Variants in PAK5 observed in about 807,000 individuals in gnomAD.
PAK5 encodes the protein serine/threonine-protein kinase PAK 5.
In PAK5, 16 loss-of-function variants were observed where a neutral mutation model predicts 65.9. The observed-to-expected ratio is 0.24, with a 90% confidence interval of 0.16 to 0.37. The LOEUF (loss-of-function observed/expected upper bound fraction) is 0.37. Among genes scored for constraint, PAK5 ranks in the 10% least tolerant of loss-of-function variants. The pLI is 1.00. For synonymous variants in PAK5, 371 were observed against 354.9 expected (o/e 1.05, Z -0.51); for missense variants, 785 against 903.9 (o/e 0.87, Z 1.69).
intron 2 of PAK5, among the ~76,000 whole-genome samples, chr20:9,644,658 T>C (rs966130141): frequency 1.3e-5 from 2 of 152,208 alleles, no homozygotes; most frequent in African/African-American, 4.8e-5. Context: ...AGGCATTGTA[T>C]GTTTCCACTT....
intron 2 of PAK5, among the ~76,000 whole-genome samples, chr20:9,665,318 T>A (rs756252343): frequency 6.6e-5 from 10 of 152,002 alleles, no homozygotes; most frequent in Non-Finnish European, 4.4e-5. Context: ...GGCATTCAAT[T>A]TAATATCTCA....
chr20:9,617,660 A>G (rs2046684791), intron 3 of PAK5, among the ~76,000 whole-genome samples: 1 of 142,690 alleles, frequency 7.0e-6, no homozygotes, highest in African/African-American at 2.6e-5. Flanking sequence ...GGTTCGCGCC[A>G]TTCTTCCGCC....
intron 1 of PAK5, among the ~76,000 whole-genome samples, chr20:9,789,857 C>A (rs1395462277): frequency 1.3e-5 from 2 of 152,064 alleles, no homozygotes; most frequent in Non-Finnish European, 2.9e-5. Context: ...CAAAAATTGC[C>A]CCAGGAATGA....
At chr20:9,727,878 CA>C (rs1281668959) in intron 1 of PAK5, among the ~76,000 whole-genome samples, 1 of 151,978 alleles carries the variant, frequency 6.6e-6, no homozygotes, top group Non-Finnish European at 1.5e-5. Flanking sequence ...TTTGGCAACA[CA>C]AAAATTCTGA....
At chr20:9,732,352 C>A (rs2048343268) in intron 1 of PAK5, among the ~76,000 whole-genome samples, 1 of 151,854 alleles carries the variant, frequency 6.6e-6, no homozygotes, top group African/African-American at 2.4e-5. Flanking sequence ...ATAGTTTGTA[C>A]CAAACATAAA....
intron 6 of PAK5, among the ~76,000 whole-genome samples, chr20:9,561,400 A>C (rs571244880): frequency 1.2e-4 from 18 of 152,336 alleles, no homozygotes; most frequent in Admixed American, 2.6e-4. Context: ...AAAAATGTAT[A>C]TCACATTTGC....
At chr20:9,571,877 G>GT (rs1026201679) in intron 4 of PAK5, among the ~76,000 whole-genome samples, 10 of 146,152 alleles carry the variant, frequency 6.8e-5, no homozygotes, top group East Asian at 4.1e-4. Context: ...TGAATGATGG[G>GT]GGGGGGGGAT....
At chr20:9,720,456 T>C (rs1032995376) in intron 1 of PAK5, among the ~76,000 whole-genome samples, 7 of 152,142 alleles carry the variant, frequency 4.6e-5, no homozygotes, top group East Asian at 1.9e-4. Context: ...TCAAGAAATA[T>C]ATATCACCAT....
At chr20:9,558,765 T>C (rs748219478) in intron 6 of PAK5, among the ~76,000 whole-genome samples, 33 of 151,928 alleles carry the variant, frequency 2.2e-4, no homozygotes, top group Admixed American at 3.9e-4. Context: ...AATAACAGAG[T>C]GTGAATGGAT....
intron 1 of PAK5, among the ~76,000 whole-genome samples, chr20:9,746,549 C>T (rs543050608): frequency 6.6e-6 from 1 of 152,250 alleles, no homozygotes; most frequent in African/African-American, 2.4e-5. Flanking sequence ...AGATCTAAAG[C>T]CGTGCCATCC....
Position 9,832,169 on chromosome 20 carries a change from A to T in PAK5, c.-162+6593T>A, listed in dbSNP as rs377500739. On this transcript the variant is annotated intron_variant, in intron 1 of 9. Coordinates refer to ENST00000353224, the MANE Select transcript of PAK5 (RefSeq NM_177990.4). ...TACTATGAAATATATTATAATACAC[A>T]ATTTTACCTGCATCTACTTCCTTAC... is the stretch of plus-strand genomic sequence containing the variant. 2.6e-5 allele frequency among the ~76,000 whole-genome samples: 4 copies of T among 152,210 alleles called. No homozygotes were observed. The East Asian group carries it at 7.7e-4, about 29-fold the overall frequency.
intron 2 of PAK5, among the ~76,000 whole-genome samples, chr20:9,710,263 G>A (rs1403301434): frequency 1.3e-5 from 2 of 152,086 alleles, no homozygotes; most frequent in Non-Finnish European, 2.9e-5. Context: ...TCAAGTCTCC[G>A]AGTGTTACAA....
At chr20:9,552,716 A>G (rs28366508) in intron 7 of PAK5, among the ~76,000 whole-genome samples, 2 of 108,072 alleles carry the variant, frequency 1.9e-5, no homozygotes, top group African/African-American at 7.7e-5. Flanking sequence ...AATTTTTAAA[A>G]TTTTTTAGTT....
chr20:9,738,260 C>A (rs1340277378), intron 1 of PAK5, among the ~76,000 whole-genome samples: 1 of 152,076 alleles, frequency 6.6e-6, no homozygotes, highest in African/African-American at 2.4e-5. Flanking sequence ...AGTTTGGCAG[C>A]TTTTAATAAT....
chr20:9,678,484 G>T (rs555200146), intron 2 of PAK5, among the ~76,000 whole-genome samples: 1 of 152,262 alleles, frequency 6.6e-6, no homozygotes, highest in East Asian at 1.9e-4. Context: ...GAAGAATGGC[G>T]TGAACCCAGG....
intron 1 of PAK5, among the ~76,000 whole-genome samples, chr20:9,746,581 G>A (rs1285818410): frequency 6.6e-6 from 1 of 152,028 alleles, no homozygotes; most frequent in Non-Finnish European, 1.5e-5. Context: ...CTGCAATGCT[G>A]GAAATGTTCC....
At chr20:9,765,413 A>G (rs2048745678) in intron 1 of PAK5, among the ~76,000 whole-genome samples, 1 of 152,156 alleles carries the variant, frequency 6.6e-6, no homozygotes, top group Non-Finnish European at 1.5e-5. Context: ...TTGCCTATGG[A>G]ACAACATTTC....
chr20:9,806,230 C>T (rs1470391654), intron 1 of PAK5, among the ~76,000 whole-genome samples: 1 of 152,140 alleles, frequency 6.6e-6, no homozygotes, highest in Admixed American at 6.6e-5. Flanking sequence ...CTCAAGTGAC[C>T]TGCCCGCCTC....
intron 3 of PAK5, among the ~76,000 whole-genome samples, chr20:9,581,910 C>T (rs1174710128): frequency 6.6e-6 from 1 of 152,158 alleles, no homozygotes; most frequent in African/African-American, 2.4e-5. Flanking sequence ...TCAAAACTAT[C>T]TTGGATGGTA....
Sources: gnomAD v4.1 joint callset for allele counts (sites outside exome capture counted in the v4.1 genomes callset) on GRCh38, gnomAD v4.1.1 for gene constraint, MANE v1.5 for transcripts, NCBI Gene and HGNC (gene_info 2026-07-23, HGNC 2026-07-21) for gene names.